The following SGCZ variants were observed in gnomAD, a reference collection of about 807,000 sequenced individuals.
SGCZ encodes the protein sarcoglycan zeta.
In SGCZ, 40 loss-of-function variants were observed where a neutral mutation model predicts 41.3. The ratio of observed to expected loss-of-function variants is 0.97; its 90% confidence interval spans 0.75 to 1.26. The LOEUF (loss-of-function observed/expected upper bound fraction) is 1.26, where lower values mean the gene tolerates loss of function less well. SGCZ is among the 50% of genes most tolerant of loss of function. SGCZ has a pLI of 0.00. For synonymous variants in SGCZ, 206 were observed against 137.5 expected (o/e 1.50, Z -3.49); for missense variants, 552 against 369.8 (o/e 1.49, Z -4.04).
rs1800884330 is a variant in SGCZ, at chr8:14,460,921, T to C, written c.234+93811A>G. The stretch of plus-strand genomic sequence containing the variant: ...CTTTCATTTGGCCCATATTCTCCTG[T>C]TAAAATCAGACATCTATAACTGAAT... On this transcript the variant is annotated intron_variant, in intron 2 of 7. Transcript: ENST00000382080. Among the ~76,000 whole-genome samples the C allele has an allele frequency of 2.0e-5, 3 of 152,312 alleles. No homozygotes were observed. The East Asian group carries it at 5.8e-4, about 29-fold the overall frequency.
chr8:15,196,553 G>T (rs527264694), intron 1 of SGCZ, among the ~76,000 whole-genome samples: 1 of 130,640 alleles, frequency 7.7e-6, no homozygotes, highest in South Asian at 2.4e-4. Flanking sequence ...GTTAAGACTT[G>T]CCAAAGTTTT....
chr8:15,225,147 G>A (rs1360106029), intron 1 of SGCZ, among the ~76,000 whole-genome samples: 1 of 152,058 alleles, frequency 6.6e-6, no homozygotes, highest in Non-Finnish European at 1.5e-5. Flanking sequence ...CTCTTTTCAA[G>A]GAAACTCAGA....
chr8:14,286,653 T>C (rs1271917082), intron 3 of SGCZ, among the ~76,000 whole-genome samples: 2 of 152,150 alleles, frequency 1.3e-5, no homozygotes, highest in Admixed American at 6.5e-5. Context: ...ATGAAAGCAC[T>C]AACATTACAT....
At chr8:15,123,351 C>T (rs1375030418) in intron 1 of SGCZ, among the ~76,000 whole-genome samples, 1 of 152,130 alleles carries the variant, frequency 6.6e-6, no homozygotes, top group Admixed American at 6.6e-5. Flanking sequence ...CTTTCCCCAA[C>T]TATATTATCA....
chr8:15,026,707 G>A (rs756923337), intron 1 of SGCZ, among the ~76,000 whole-genome samples: 1 of 152,162 alleles, frequency 6.6e-6, no homozygotes, highest in Non-Finnish European at 1.5e-5. Flanking sequence ...GTGTGCTTCA[G>A]TTATTGTCTC....
chr8:15,183,651 T>A (rs1300963544), intron 1 of SGCZ, among the ~76,000 whole-genome samples: 1 of 152,212 alleles, frequency 6.6e-6, no homozygotes, highest in Non-Finnish European at 1.5e-5. Context: ...TGTTGCCATT[T>A]GGGGAAGAAA....
intron 1 of SGCZ, among the ~76,000 whole-genome samples, chr8:14,633,242 A>T (rs1398218780): frequency 6.6e-6 from 1 of 151,974 alleles, no homozygotes; most frequent in Non-Finnish European, 1.5e-5. Context: ...TTCTGTATAT[A>T]GACAGCACAG....
intron 1 of SGCZ, among the ~76,000 whole-genome samples, chr8:15,002,448 G>T (rs1194769475): frequency 6.6e-6 from 1 of 152,104 alleles, no homozygotes; most frequent in African/African-American, 2.4e-5. Flanking sequence ...ATATAAAGGA[G>T]AAGAGCTGTC....
intron 1 of SGCZ, among the ~76,000 whole-genome samples, chr8:14,586,510 G>A (rs1415542870): frequency 6.6e-6 from 1 of 152,160 alleles, no homozygotes; most frequent in Non-Finnish European, 1.5e-5. Context: ...ACCACGCCCA[G>A]CGCAAAATAT....
chr8:14,756,328 G>A (rs1168434938), intron 1 of SGCZ, among the ~76,000 whole-genome samples: 1 of 151,876 alleles, frequency 6.6e-6, no homozygotes, highest in Non-Finnish European at 1.5e-5. Context: ...TGGGATTATA[G>A]GCATGCACCA....
chr8:14,132,515 T>A (rs1015904511), intron 5 of SGCZ, among the ~76,000 whole-genome samples: 2 of 152,234 alleles, frequency 1.3e-5, no homozygotes, highest in Admixed American at 6.5e-5. Flanking sequence ...CAATACGTTC[T>A]GTTTGTTTTA....
chr8:14,385,372 A>T (rs982628418), intron 2 of SGCZ, among the ~76,000 whole-genome samples: 2 of 152,192 alleles, frequency 1.3e-5, no homozygotes, highest in African/African-American at 4.8e-5. Flanking sequence ...ACACTCTAGG[A>T]TACATGCCAC....
At chr8:14,704,740 T>C (rs759398037) in intron 1 of SGCZ, among the ~76,000 whole-genome samples, 1 of 151,926 alleles carries the variant, frequency 6.6e-6, no homozygotes, top group Admixed American at 6.6e-5. Context: ...TCCAATGCCA[T>C]TACACTTTTT....
intron 2 of SGCZ, among the ~76,000 whole-genome samples, chr8:14,324,829 T>C (rs1364021281): frequency 1.3e-5 from 2 of 152,128 alleles, no homozygotes; most frequent in Admixed American, 1.3e-4. Context: ...GAAAGGAGGT[T>C]TTATATCTGA....
chr8:14,210,284 C>A (rs1006553150), intron 4 of SGCZ, among the ~76,000 whole-genome samples: 3 of 152,018 alleles, frequency 2.0e-5, no homozygotes, highest in African/African-American at 7.3e-5. Flanking sequence ...GTCTCGAACT[C>A]CTGACCTGAA....
chr8:15,072,069 A>T (rs533002821), intron 1 of SGCZ, among the ~76,000 whole-genome samples: 1 of 152,196 alleles, frequency 6.6e-6, no homozygotes, highest in African/African-American at 2.4e-5. Flanking sequence ...TTCATAACCC[A>T]TTCAAAGTCT....
chr8:14,853,659 T>C (rs975726461), intron 1 of SGCZ: 1 of 316,274 alleles, frequency 3.2e-6, no homozygotes, highest in African/African-American at 2.1e-5. Flanking sequence ...CATCAATCAT[T>C]GGCAGTTCCT....
intron 2 of SGCZ, among the ~76,000 whole-genome samples, chr8:14,384,061 C>T (rs1163414743): frequency 6.6e-6 from 1 of 151,550 alleles, no homozygotes; most frequent in Admixed American, 6.6e-5. Flanking sequence ...GTGTGCTGCA[C>T]CCATTAACTC....
intron 3 of SGCZ, among the ~76,000 whole-genome samples, chr8:14,320,522 C>A (rs924898281): frequency 1.3e-5 from 2 of 151,912 alleles, no homozygotes; most frequent in East Asian, 3.9e-4. Flanking sequence ...AAGTTTGTTA[C>A]GTATGTATAC....
Sources: gnomAD v4.1 joint callset for allele counts (sites outside exome capture counted in the v4.1 genomes callset) on GRCh38, gnomAD v4.1.1 for gene constraint, MANE v1.5 for transcripts, NCBI Gene and HGNC (gene_info 2026-07-23, HGNC 2026-07-21) for gene names.